Variants in FARP1 observed in about 807,000 individuals in gnomAD.
FARP1 encodes the protein FERM, ARH/RhoGEF and pleckstrin domain protein 1, also known as FERM, ARHGEF and pleckstrin domain-containing protein 1.
FARP1 carries 52 observed loss-of-function variants against 128.8 expected under a neutral mutation model. That is an observed-to-expected ratio of 0.40 (90% CI 0.32 to 0.51). The LOEUF is 0.51. FARP1 is among the 20% of genes least tolerant of loss of function. The pLI is 0.45. For missense variants in FARP1, 1,333 were observed against 1,367.9 expected (o/e 0.97, Z 0.40); for synonymous variants, 580 against 551.8 (o/e 1.05, Z -0.72).
intron 8 of FARP1, among the ~76,000 whole-genome samples, chr13:98,386,839 C>T (rs1566942666): frequency 6.6e-6 from 1 of 152,186 alleles, no homozygotes; most frequent in Non-Finnish European, 1.5e-5. Context: ...TCTATTCATG[C>T]ACCAGAAGTT....
chr13:98,431,459 TGA>T, intron 18 of FARP1, 179 bp downstream of exon 18: 2 of 484,346 alleles, frequency 4.1e-6, no homozygotes, highest in South Asian at 2.8e-5. Flanking sequence ...GGTTACATCT[TGA>T]TTTTTTTTTT....
At chr13:98,337,080 A>T (rs976096996) in intron 2 of FARP1, among the ~76,000 whole-genome samples, 11 of 152,108 alleles carry the variant, frequency 7.2e-5, no homozygotes, top group Non-Finnish European at 1.6e-4. Flanking sequence ...ATAAACATTC[A>T]TTTGGGCCAG....
At chr13:98,363,281 G>A (rs1888948813) in intron 3 of FARP1, among the ~76,000 whole-genome samples, 1 of 152,176 alleles carries the variant, frequency 6.6e-6, no homozygotes, top group Non-Finnish European at 1.5e-5. Flanking sequence ...GATTCTGCTT[G>A]TCTTTCTTCC....
intron 1 of FARP1, among the ~76,000 whole-genome samples, chr13:98,151,023 C>T (rs1194084062): frequency 1.7e-5 from 2 of 119,146 alleles, no homozygotes; most frequent in East Asian, 5.3e-4. Context: ...CAGTTACCCA[C>T]GGTCAACCAC....
At position 98,439,744 on chromosome 13, in the gene FARP1, G is replaced by A. The variant is rs138411594; in HGVS notation, c.2434-217G>A. ...GGGATTGGAGAGAGGGAAGTTTGTG[G>A]GCTCTGCCAAAAACATTCAGTGTGC... On this transcript the variant is annotated intron_variant, in intron 21 of 26. Transcript: ENST00000319562. Among the ~76,000 whole-genome samples, 544 of 152,288 alleles carry A rather than the reference G, an allele frequency of 3.6e-3. 2 individuals are homozygous for A. Among genetic ancestry groups the A allele is most frequent in the Admixed American group, 7.1e-3 (108 of 15,310 alleles).
chr13:98,342,514 C>T (rs1440394964), intron 2 of FARP1, among the ~76,000 whole-genome samples: 1 of 151,738 alleles, frequency 6.6e-6, no homozygotes, highest in Non-Finnish European at 1.5e-5. Flanking sequence ...GCCTGACCAA[C>T]ATGGTGAAAC....
chr13:98,288,983 T>C (rs1187588393), intron 2 of FARP1, among the ~76,000 whole-genome samples: 4 of 147,012 alleles, frequency 2.7e-5, no homozygotes, highest in Non-Finnish European at 4.5e-5. Context: ...TTTTTTTTTT[T>C]TCTGTGTATG....
intron 1 of FARP1, among the ~76,000 whole-genome samples, chr13:98,171,902 T>C (rs1446848557): frequency 1.3e-5 from 2 of 152,136 alleles, no homozygotes; most frequent in African/African-American, 4.8e-5. Context: ...CGGTCACATT[T>C]CTCTATCTCA....
chr13:98,282,871 G>A (rs537567359), intron 2 of FARP1, among the ~76,000 whole-genome samples: 3 of 151,832 alleles, frequency 2.0e-5, no homozygotes, highest in East Asian at 1.9e-4. Context: ...ACTGCACTCC[G>A]GCCTGGCAAC....
chr13:98,208,595 T>TAACA (rs1240600432), intron 1 of FARP1: 1 of 152,880 alleles, frequency 6.5e-6, no homozygotes, highest in Non-Finnish European at 1.5e-5. Context: ...ACCCCTATGT[T>TAACA]ACCAGACGAC....
At chr13:98,268,338 GT>G (rs1428627871) in intron 2 of FARP1, among the ~76,000 whole-genome samples, 1 of 152,142 alleles carries the variant, frequency 6.6e-6, no homozygotes, top group Non-Finnish European at 1.5e-5. Context: ...GAATAAATAG[GT>G]TTGCATGTAT....
At chr13:98,154,771 C>T (rs1876381343) in intron 1 of FARP1, among the ~76,000 whole-genome samples, 1 of 152,184 alleles carries the variant, frequency 6.6e-6, no homozygotes, top group Admixed American at 6.5e-5. Context: ...GGCATGCCTT[C>T]ATTATCTATG....
intron 18 of FARP1, chr13:98,434,496 T>C (rs1183609183): frequency 2.0e-5 from 3 of 152,202 alleles, no homozygotes; most frequent in African/African-American, 7.2e-5. Flanking sequence ...AAGAGGTATT[T>C]AGAGTTCTGA....
chr13:98,276,818 A>G (rs1297302969), intron 2 of FARP1, among the ~76,000 whole-genome samples: 4 of 152,206 alleles, frequency 2.6e-5, no homozygotes, highest in Non-Finnish European at 5.9e-5. Context: ...AGGCAATGCG[A>G]GGAGTCCTCC....
At chr13:98,421,935 T>G (rs1891609910) in intron 16 of FARP1, among the ~76,000 whole-genome samples, 1 of 152,208 alleles carries the variant, frequency 6.6e-6, no homozygotes, top group Admixed American at 6.5e-5. Flanking sequence ...TGGAACATTT[T>G]GTGTTTGAGA....
chr13:98,424,579 C>T lies in FARP1; in HGVS notation c.1834C>T (p.Arg612Cys), dbSNP rs148334149. 2.3e-4 allele frequency: 366 copies of T among 1,612,138 alleles called. 4 individuals carry two copies. In the East Asian group the frequency reaches 5.9e-3, roughly 26 times the overall value. ...IEQRLALWEGRSNAQIRDYQR... is the reference protein window; with the variant it reads ...IEQRLALWEGCSNAQIRDYQR... ...CTTTGCTTTTGCTCTCAGGGAAGGCCGCTCAAATGCCCAAATCAGAGATTA... is the reference window on the plus strand; with the variant it reads ...CTTTGCTTTTGCTCTCAGGGAAGGCTGCTCAAATGCCCAAATCAGAGATTA... The change falls in exon 17 of 27, where the codon CGC becomes TGC. Residue 612 changes from arginine to cysteine, a missense_variant. Arg to Cys is a radical substitution (Grantham distance 180). Around this residue, in one of 2 missense-constraint regions of FARP1, gnomAD observed 1,009 missense variants for 969.8 expected, o/e 1.04. Coordinates refer to ENST00000319562, the MANE Select transcript of FARP1 (RefSeq NM_005766.4).
intron 2 of FARP1, among the ~76,000 whole-genome samples, chr13:98,249,377 G>A (rs1402187955): frequency 6.6e-6 from 1 of 152,114 alleles, no homozygotes; most frequent in Non-Finnish European, 1.5e-5. Flanking sequence ...TTAATGATAC[G>A]ATACTTCTTT....
At chr13:98,391,011 A>G in intron 11 of FARP1, 131 bp downstream of exon 11, 1 of 674,440 alleles carries the variant, frequency 1.5e-6, no homozygotes, top group Non-Finnish European at 2.6e-6. Flanking sequence ...TGATAGTCTC[A>G]GTCATCCTCA....
At chr13:98,151,419 G>A (rs1318860342) in intron 1 of FARP1, among the ~76,000 whole-genome samples, 1 of 152,082 alleles carries the variant, frequency 6.6e-6, no homozygotes, top group East Asian at 1.9e-4. Context: ...TTTTATCGGT[G>A]TATTCTCCTT....
Sources: gnomAD v4.1 joint callset for allele counts (sites outside exome capture counted in the v4.1 genomes callset) on GRCh38, gnomAD v4.1.1 for gene constraint, gnomAD v4.1.1 regional missense constraint, MANE v1.5 for transcripts, NCBI Gene and HGNC (gene_info 2026-07-23, HGNC 2026-07-21) for gene names.